The following NR2C2 variants were observed in gnomAD, a reference collection of about 807,000 sequenced individuals.
NR2C2 encodes nuclear receptor subfamily 2 group C member 2, also known as Nuclear hormone receptor TR4.
NR2C2 carries 6 observed loss-of-function variants against 62.9 expected under a neutral mutation model. The ratio of observed to expected loss-of-function variants is 0.10; its 90% CI spans 0.05 to 0.19. The LOEUF (loss-of-function observed/expected upper bound fraction) is 0.19. Among genes scored for constraint, NR2C2 ranks in the 10% least tolerant of loss-of-function variants. The pLI is 1.00. For synonymous variants in NR2C2, 272 were observed against 273.8 expected, an observed-to-expected ratio of 0.99 and a Z score of 0.07; for missense variants, 479 against 762.7, an observed-to-expected ratio of 0.63 and a Z score of 4.38.
chr3:15,002,645 CTTTTTTTT>C (rs371981775), intron 1 of NR2C2, among the ~76,000 whole-genome samples: 2 of 39,484 alleles, frequency 5.1e-5, no homozygotes, highest in East Asian at 1.2e-3. Context: ...TCACAATATA[CTTTTTTTT>C]TTTTTTTTTT....
intron 11 of NR2C2, among the ~76,000 whole-genome samples, chr3:15,036,059 G>A (rs996783867): frequency 2.0e-5 from 3 of 151,724 alleles, no homozygotes; most frequent in African/African-American, 4.8e-5. Context: ...GCATGGTGGC[G>A]CATGCCTGTA....
intron 1 of NR2C2, among the ~76,000 whole-genome samples, chr3:14,965,694 T>A (rs558256328): frequency 2.6e-5 from 4 of 152,138 alleles, no homozygotes; most frequent in African/African-American, 9.7e-5. Context: ...AGAGTTTCGC[T>A]CTTGTTGCCC....
chr3:15,040,640 C>T (rs981113875), intron 13 of NR2C2, among the ~76,000 whole-genome samples: 1 of 152,240 alleles, frequency 6.6e-6, no homozygotes, highest in African/African-American at 2.4e-5. Context: ...TTATGGCTGG[C>T]TGGTCCTGCT....
intron 1 of NR2C2, among the ~76,000 whole-genome samples, chr3:15,002,450 T>C (rs2041035534): frequency 1.3e-5 from 2 of 152,144 alleles, no homozygotes; most frequent in Admixed American, 1.3e-4. Context: ...TATAATCCTT[T>C]ATATACCACT....
At chr3:15,034,494 C>A in intron 10 of NR2C2, 176 bp from the exon 11 acceptor site, 1 of 553,938 alleles carries the variant, frequency 1.8e-6, no homozygotes, top group Non-Finnish European at 3.1e-6. Context: ...TTAAAACATT[C>A]ATAGACTTAT....
intron 1 of NR2C2, among the ~76,000 whole-genome samples, chr3:14,988,446 A>G (rs1056335844): frequency 2.6e-5 from 4 of 152,230 alleles, no homozygotes; most frequent in Non-Finnish European, 4.4e-5. Flanking sequence ...CCATTTCTAT[A>G]TTTAGGATAA....
Position 15,021,838 on chromosome 3 carries a change from C to T in NR2C2, c.556+906C>T, listed in dbSNP as rs560442979. Among the ~76,000 whole-genome samples the T allele has an allele frequency of 6.6e-5, 10 of 152,302 alleles. No individual in the cohort carries two copies. The South Asian group carries it at 2.1e-3, about 32-fold the overall frequency. On this transcript the variant is annotated intron_variant, in intron 5 of 13. Coordinates refer to ENST00000425241, the MANE Select transcript of NR2C2 (RefSeq NM_001291694.2). The stretch of plus-strand genomic sequence containing the variant: ...TGACGTTTCTGGGAACAGGAATCCA[C>T]AAAATTCACTGGAGAATAAATGGAA...
chr3:15,026,134 T>G (rs1480028417), intron 7 of NR2C2: 1 of 152,188 alleles, frequency 6.6e-6, no homozygotes, highest in African/African-American at 2.4e-5. Context: ...TCTTCTTACC[T>G]CAGCCTTCCG....
In NR2C2 at chr3:15,023,359, G is replaced by T. The variant is rs2041729373; in HGVS notation, c.704+12G>T. The T allele has an allele frequency of 6.2e-7, 1 of 1,613,750 alleles. No homozygotes were observed. The highest frequency in any genetic ancestry group is 8.5e-7 in the Non-Finnish European group (1 of 1,179,902). On this transcript the variant is annotated intron_variant, in intron 6 of 13. Coordinates refer to ENST00000425241, the MANE Select transcript of NR2C2 (RefSeq NM_001291694.2). ...AAAGATGGAGCAAGGTCAGTCCCTTGTTCTCACTGCAATCAGCCTTTGCAG... is the reference window on the plus strand; with the variant it reads ...AAAGATGGAGCAAGGTCAGTCCCTTTTTCTCACTGCAATCAGCCTTTGCAG...
intron 5 of NR2C2, among the ~76,000 whole-genome samples, chr3:15,021,667 C>T (rs2041670442): frequency 6.8e-6 from 1 of 147,440 alleles, no homozygotes; most frequent in Admixed American, 6.7e-5. Flanking sequence ...CAGAGCAAGG[C>T]ATGCAACTTG....
intron 1 of NR2C2, among the ~76,000 whole-genome samples, chr3:14,959,796 ATAG>A (rs1177465334): frequency 2.0e-5 from 3 of 152,340 alleles, no homozygotes; most frequent in East Asian, 3.9e-4. Context: ...CAGTAAAAAG[ATAG>A]TGGTGGTGAC....
chr3:14,977,462 C>T (rs1462665013), intron 1 of NR2C2, among the ~76,000 whole-genome samples: 1 of 151,760 alleles, frequency 6.6e-6, no homozygotes. Flanking sequence ...ACTCTTTCTC[C>T]CTCTATTTTT....
rs1056297677 is a variant in NR2C2 at position 15,012,376 on chromosome 3, T to C, written c.73-1213T>C. Among the ~76,000 whole-genome samples the C allele has an allele frequency of 2.2e-4, 33 of 152,122 alleles. 4 individuals carry two copies. The highest frequency in any genetic ancestry group is 2.1e-3 in the South Asian group (10 of 4,812). The stretch of plus-strand genomic sequence containing the variant: ...AAGTAGCTGGGACTACAGGCGCCCA[T>C]CACCACGCCCAGCTAATTTTTGTAT... On this transcript the variant is annotated intron_variant, in intron 2 of 13. Coordinates refer to ENST00000425241, the MANE Select transcript of NR2C2 (RefSeq NM_001291694.2).
chr3:15,006,398 C>G (rs1047729490), intron 2 of NR2C2, among the ~76,000 whole-genome samples: 16 of 152,030 alleles, frequency 1.1e-4, no homozygotes, highest in African/African-American at 3.6e-4. Context: ...CTCTAATATA[C>G]CCTGACCTAT....
intron 1 of NR2C2, among the ~76,000 whole-genome samples, chr3:14,962,967 G>T (rs1340749376): frequency 6.6e-6 from 1 of 152,134 alleles, no homozygotes; most frequent in African/African-American, 2.4e-5. Flanking sequence ...TCAAGGCCTG[G>T]TTAAGGAGTT....
chr3:14,964,639 C>G (rs1160469146), intron 1 of NR2C2, among the ~76,000 whole-genome samples: 1 of 151,786 alleles, frequency 6.6e-6, no homozygotes, highest in Non-Finnish European at 1.5e-5. Flanking sequence ...TTCAGCCTCC[C>G]GAATAGCTGG....
intron 1 of NR2C2, among the ~76,000 whole-genome samples, chr3:14,972,422 G>A (rs2040070315): frequency 6.6e-6 from 1 of 151,984 alleles, no homozygotes; most frequent in African/African-American, 2.4e-5. Context: ...TGATCCACCT[G>A]GCTGGGGCTC....
chr3:15,022,991 G>A (rs750820636), intron 5 of NR2C2, among the ~76,000 whole-genome samples: 4 of 152,166 alleles, frequency 2.6e-5, no homozygotes, highest in Admixed American at 6.5e-5. Flanking sequence ...ACCACCCATC[G>A]TGAGGTCTTT....
chr3:14,949,123 TGG>T (rs1259583514), intron 1 of NR2C2, among the ~76,000 whole-genome samples: 4 of 152,222 alleles, frequency 2.6e-5, no homozygotes, highest in Non-Finnish European at 5.9e-5. Flanking sequence ...TTTTAGGCAC[TGG>T]GGACACATCT....
Sources: allele counts gnomAD v4.1 joint callset (sites outside exome capture counted in the v4.1 genomes callset), GRCh38; gene constraint gnomAD v4.1.1; transcripts MANE v1.5; gene names NCBI Gene and HGNC (gene_info 2026-07-23, HGNC 2026-07-21).